Variants in BCAR3 observed in about 807,000 individuals in gnomAD.
The protein encoded by BCAR3 is breast cancer anti-estrogen resistance protein 3.
A neutral mutation model predicts 80.1 loss-of-function variants in BCAR3; 37 were observed. The ratio of observed to expected loss-of-function variants is 0.46; its 90% confidence interval spans 0.36 to 0.61. The LOEUF is 0.61. Among genes scored for constraint, BCAR3 ranks in the 20% least tolerant of loss-of-function variants. The pLI, the probability that BCAR3 is intolerant of heterozygous loss-of-function variation, is 0.00. For synonymous variants in BCAR3, 389 were observed against 418.9 expected (o/e 0.93, Z 0.87); for missense variants, 978 against 1,068.2 (o/e 0.92, Z 1.18).
intron 2 of BCAR3, among the ~76,000 whole-genome samples, chr1:93,671,670 G>C (rs2101943074): frequency 6.6e-6 from 1 of 152,272 alleles, no homozygotes; most frequent in South Asian, 2.1e-4. Flanking sequence ...CTGTATTTTT[G>C]CTGTGGCACC....
chr1:93,787,398 C>A (rs1331056205), intron 2 of BCAR3, among the ~76,000 whole-genome samples: 1 of 152,162 alleles, frequency 6.6e-6, no homozygotes, highest in Non-Finnish European at 1.5e-5. Context: ...TAAGGTGTGA[C>A]ATTAGATTGT....
At chr1:93,765,167 C>CA (rs1652103749) in intron 2 of BCAR3, among the ~76,000 whole-genome samples, 1 of 151,994 alleles carries the variant, frequency 6.6e-6, no homozygotes, top group African/African-American at 2.4e-5. Flanking sequence ...GTGGTTTACC[C>CA]AAAAAAAGTA....
intron 4 of BCAR3, among the ~76,000 whole-genome samples, chr1:93,591,241 G>C (rs1393773305): frequency 2.7e-5 from 4 of 148,742 alleles, no homozygotes. Context: ...TTGGGAGGCT[G>C]AGGTGGGTGG....
chr1:93,569,616 G>T (rs961473722), intron 9 of BCAR3, among the ~76,000 whole-genome samples: 13 of 152,230 alleles, frequency 8.5e-5, no homozygotes, highest in African/African-American at 2.9e-4. Flanking sequence ...GGGTTGGATG[G>T]TGACACGCAA....
intron 2 of BCAR3, among the ~76,000 whole-genome samples, chr1:93,839,028 C>T (rs765745456): frequency 6.6e-6 from 1 of 152,158 alleles, no homozygotes; most frequent in Non-Finnish European, 1.5e-5. Context: ...AAGTGCCAGG[C>T]GTGGTGGCTC....
At chr1:93,628,235 C>A (rs114860093) in intron 3 of BCAR3, among the ~76,000 whole-genome samples, 1 of 152,126 alleles carries the variant, frequency 6.6e-6, no homozygotes, top group Admixed American at 6.5e-5. Context: ...TCTGCCTTCA[C>A]GTTACATTCC....
rs1331877984 is a variant in BCAR3 at position 93,582,843 on chromosome 1, C to A, written c.1144G>T (p.Val382Phe). Residue 382 changes from valine (V) to phenylalanine (F), a missense_variant, in exon 7 of 12, where the codon GTC (valine) becomes TTC (phenylalanine). Physicochemically the swap from Val to Phe is conservative, Grantham distance 50 (BLOSUM62 -1). Coordinates refer to ENST00000260502, the MANE Select transcript of BCAR3 (RefSeq NM_003567.4). ...TCCCCAGCCCTGGCGTCTGAGGAGA[C>A]CCTCCGAACCACTGCTGGGCTCAGG... The part of the protein sequence containing the change: ...PALSPAVVRR[V>F]SSDARAGEAL... The A allele has an allele frequency of 6.2e-6, 10 of 1,613,262 alleles. No homozygotes were observed. The highest frequency in any genetic ancestry group is 1.3e-5 in the African/African-American group (1 of 74,840).
intron 2 of BCAR3, among the ~76,000 whole-genome samples, chr1:93,710,239 C>T (rs985378865): frequency 2.6e-5 from 4 of 152,190 alleles, no homozygotes; most frequent in African/African-American, 7.2e-5. Context: ...TGGCTTTGCC[C>T]CTGCTGGAGG....
intron 3 of BCAR3, among the ~76,000 whole-genome samples, chr1:93,597,094 G>A (rs187997649): frequency 1.3e-5 from 2 of 152,300 alleles, no homozygotes; most frequent in Admixed American, 1.3e-4. Context: ...CACAGGGAGA[G>A]TAAGAAAAGG....
intron 2 of BCAR3, among the ~76,000 whole-genome samples, chr1:93,711,882 G>A (rs748539837): frequency 6.6e-6 from 1 of 152,038 alleles, no homozygotes; most frequent in African/African-American, 2.4e-5. Flanking sequence ...AACTCTACTA[G>A]ATGATGAAAA....
chr1:93,567,295 A>G lies in BCAR3; in HGVS notation c.2283T>C (p.Ala761=), dbSNP rs1316919558. The part of the protein sequence containing the change: ...AEAADSYRMN[A]ERILAGFQPD... ...ATCTCTTACCTGCCAGGATCCTCTC[A>G]GCATTCATCCGGTAGCTGTCTGCAG... The change falls in exon 11 of 12, where the codon GCT becomes GCC. Residue 761 remains alanine (A), a synonymous_variant. Transcript: ENST00000260502. The G allele has an allele frequency of 1.2e-6, 2 of 1,614,088 alleles. No homozygotes were observed. The highest frequency in any genetic ancestry group is 1.7e-5 in the Admixed American group (1 of 60,014).
intron 3 of BCAR3, among the ~76,000 whole-genome samples, chr1:93,638,150 G>A (rs905702256): frequency 6.6e-6 from 1 of 152,220 alleles, no homozygotes; most frequent in Non-Finnish European, 1.5e-5. Context: ...TCGGGAGGCT[G>A]AGGCAGGATA....
At position 93,584,038 on chromosome 1, in the gene BCAR3, G is replaced by A. The variant is rs371110361; in HGVS notation, c.1013C>T (p.Ser338Leu). Residue 338 changes from serine (S) to leucine (L), a missense_variant, in exon 6 of 12, where the codon TCA (serine) becomes TTA (leucine). Ser to Leu is a moderately radical substitution (Grantham distance 145). Transcript: ENST00000260502. ...RRALSLKAHQSESYLPIGCKL... is the reference protein window; with the variant it reads ...RRALSLKAHQLESYLPIGCKL... ...CATACCAATCGGCAGGTAGCTCTCT[G>A]ACTGGTGGGCTTTGAGGGACAAGGC... 4.3e-6 allele frequency: 7 copies of A among 1,613,996 alleles called. No homozygotes were observed. The highest frequency in any genetic ancestry group is 5.9e-6 in the Non-Finnish European group (7 of 1,180,024).
At chr1:93,770,252 C>G (rs967697501) in intron 2 of BCAR3, among the ~76,000 whole-genome samples, 2 of 152,052 alleles carry the variant, frequency 1.3e-5, no homozygotes, top group Non-Finnish European at 2.9e-5. Context: ...GTGCCCTGCC[C>G]TGTCCCCACC....
intron 3 of BCAR3, among the ~76,000 whole-genome samples, chr1:93,608,894 T>A (rs2101876170): frequency 6.6e-6 from 1 of 152,350 alleles, no homozygotes; most frequent in East Asian, 1.9e-4. Context: ...CTGCAAGGCT[T>A]CTTCCACCTT....
chr1:93,742,238 G>A (rs1332888895), intron 2 of BCAR3, among the ~76,000 whole-genome samples: 1 of 152,190 alleles, frequency 6.6e-6, no homozygotes, highest in East Asian at 1.9e-4. Flanking sequence ...TAAGGTGAGG[G>A]ACATTATGCT....
intron 9 of BCAR3, among the ~76,000 whole-genome samples, chr1:93,570,490 A>G (rs756046440): frequency 2.0e-5 from 3 of 152,210 alleles, no homozygotes; most frequent in Non-Finnish European, 4.4e-5. Context: ...ACTTTCCTCT[A>G]TGAGGCCTGC....
At chr1:93,751,471 C>G (rs943860857) in intron 2 of BCAR3, among the ~76,000 whole-genome samples, 2 of 152,196 alleles carry the variant, frequency 1.3e-5, no homozygotes, top group Non-Finnish European at 2.9e-5. Context: ...TGGTACCAAG[C>G]TGGCCTGGTA....
At chr1:93,835,027 T>C (rs1194308362) in intron 2 of BCAR3, among the ~76,000 whole-genome samples, 3 of 113,060 alleles carry the variant, frequency 2.7e-5, no homozygotes, top group Non-Finnish European at 5.2e-5. Context: ...TATGTTATAG[T>C]ATCTTCCACA....
Sources: allele counts gnomAD v4.1 joint callset (sites outside exome capture counted in the v4.1 genomes callset), GRCh38; gene constraint gnomAD v4.1.1; transcripts MANE v1.5; gene names NCBI Gene and HGNC (gene_info 2026-07-23, HGNC 2026-07-21).